CYFIP1: variants seen among roughly 807,000 people sequenced by gnomAD.
CYFIP1 encodes cytoplasmic FMR1-interacting protein 1.
A neutral mutation model predicts 163.5 loss-of-function variants in CYFIP1; 58 were observed. The observed-to-expected ratio is 0.35, with a 90% CI of 0.29 to 0.44. The LOEUF (loss-of-function observed/expected upper bound fraction) is 0.44. Among genes scored for constraint, CYFIP1 ranks in the 20% least tolerant of loss-of-function variants. The probability of loss-of-function intolerance (pLI) is 1.00; values close to 1 mark genes in which losing one functional copy is unlikely to be tolerated. For synonymous variants in CYFIP1, 663 were observed against 660.7 expected (o/e 1.00, Z -0.05); for missense variants, 1,338 against 1,653.8 (o/e 0.81, Z 3.31).
intron 22 of CYFIP1, among the ~76,000 whole-genome samples, chr15:22,900,693 C>T (rs1222626419): frequency 6.6e-6 from 1 of 151,696 alleles, no homozygotes; most frequent in Non-Finnish European, 1.5e-5. Context: ...AGCCACCGTG[C>T]CTGGCCGAGC....
At chr15:22,965,728 C>T (rs1253454092) in intron 1 of CYFIP1, among the ~76,000 whole-genome samples, 2 of 152,142 alleles carry the variant, frequency 1.3e-5, no homozygotes, top group South Asian at 2.1e-4. Flanking sequence ...ACAGGGATAA[C>T]GAATTAGGCT....
chr15:22,972,113 C>T lies in CYFIP1; in HGVS notation c.-7+8174G>A, dbSNP rs533266487. 2.6e-5 allele frequency among the ~76,000 whole-genome samples: 4 copies of T among 152,214 alleles called. No individual in the cohort carries two copies. In the South Asian group the frequency reaches 8.3e-4, roughly 32 times the overall value. ...AGCTATCCTGAGCAAAAGAACAAGG[C>T]TGGAGGCATCACACTACCTGACTTC... On this transcript the variant is annotated intron_variant, in intron 1 of 30. Transcript: ENST00000617928.
intron 17 of CYFIP1, among the ~76,000 whole-genome samples, chr15:22,913,699 C>G (rs999773410): frequency 6.6e-6 from 1 of 151,114 alleles, no homozygotes; most frequent in Non-Finnish European, 1.5e-5. Flanking sequence ...GTTGAAGGCC[C>G]GTCTCCCACT....
chr15:22,939,557 TA>T (rs56068008), intron 6 of CYFIP1, 50 bp from the exon 7 acceptor site: 30,596 of 283,382 alleles, frequency 0.11, 9 homozygotes, highest in East Asian at 0.16. Context: ...GTGCCACATT[TA>T]AAAAAAAAAA....
intron 22 of CYFIP1, among the ~76,000 whole-genome samples, chr15:22,898,345 T>C (rs988746522): frequency 2.0e-5 from 3 of 151,960 alleles, no homozygotes; most frequent in Non-Finnish European, 4.4e-5. Flanking sequence ...GCAACCTCCA[T>C]GTCCTGGGTT....
intron 22 of CYFIP1, among the ~76,000 whole-genome samples, chr15:22,898,465 A>G (rs547553356): frequency 7.2e-5 from 11 of 152,228 alleles, no homozygotes; most frequent in Admixed American, 3.3e-4. Context: ...TTCTCAATCT[A>G]AAGATAAAAA....
chr15:22,939,160 AGT>A, intron 8 of CYFIP1, 30 bp downstream of exon 8: 3 of 1,613,702 alleles, frequency 1.9e-6, no homozygotes, highest in Non-Finnish European at 2.5e-6. Flanking sequence ...GTCCCTCGGC[AGT>A]GCCACGGGCT....
Position 22,925,294 on chromosome 15 carries a change from C to G in CYFIP1, c.1359+688G>C, listed in dbSNP as rs556428269. 4.6e-5 allele frequency among the ~76,000 whole-genome samples: 7 copies of G among 152,264 alleles called. No homozygotes were observed. In the South Asian group the frequency reaches 1.5e-3, roughly 32 times the overall value. ...TCTAGGAGACAGAAAGACGTGCTTT[C>G]TCATACACGGTAGATGACTACAAAG... On this transcript the variant is annotated intron_variant, in intron 13 of 30. Transcript: ENST00000617928.
Position 22,939,467 on chromosome 15 carries a change from T to C in CYFIP1, c.610A>G (p.Ile204Val). The C allele has an allele frequency of 6.2e-7, 1 of 1,610,032 alleles. No individual in the cohort carries two copies. ...FLRKMADPQSIQESQNLSMFL... is the reference protein window; with the variant it reads ...FLRKMADPQSVQESQNLSMFL... ...ATGGACAGATTCTGCGATTCCTGGA[T>C]GGACTGTGGATCTGCCATTTTACGT... Residue 204 changes from isoleucine (I) to valine (V), a missense_variant, in exon 7 of 31, where the codon ATC (isoleucine) becomes GTC (valine). Ile to Val is a conservative substitution (Grantham distance 29, BLOSUM62 3). Transcript: ENST00000617928.
chr15:22,979,390 C>G (rs2063389277), intron 1 of CYFIP1, among the ~76,000 whole-genome samples: 1 of 152,164 alleles, frequency 6.6e-6, no homozygotes, highest in South Asian at 2.1e-4. Flanking sequence ...ATTCCGGAGT[C>G]CGACGGACGA....
rs776710769 is a variant in CYFIP1 at position 22,903,694 on chromosome 15, G to A, written c.2588+12C>T. 4.2e-5 allele frequency: 67 copies of A among 1,612,988 alleles called. No individual in the cohort carries two copies. Among genetic ancestry groups the A allele is most frequent in the East Asian group, 1.6e-4 (7 of 44,892 alleles). ...CCTCGCCTGTGGGCGCCTGTGTGGCGGGCACGCTCACCGGTTGGTAGAGCC... is the reference window on the plus strand; with the variant it reads ...CCTCGCCTGTGGGCGCCTGTGTGGCAGGCACGCTCACCGGTTGGTAGAGCC... On this transcript the variant is annotated intron_variant, in intron 22 of 30. Coordinates refer to ENST00000617928, the MANE Select transcript of CYFIP1 (RefSeq NM_014608.6).
Position 22,868,114 on chromosome 15 carries a change from A to G in CYFIP1, c.*1914T>C, listed in dbSNP as rs2059265349. The G allele has an allele frequency of 2.0e-5, 3 of 152,232 alleles. No homozygotes were observed. The South Asian group carries it at 6.2e-4, about 32-fold the overall frequency. The allele number at this position is 152,232 out of a possible 1,614,324, so 9.4% of individuals were successfully genotyped here. A position where few individuals can be genotyped will look rare whatever the true frequency, so the allele number is the denominator to read the frequency against. On this transcript the variant is annotated 3_prime_UTR_variant, in exon 31 of 31. Transcript: ENST00000617928. ...CACTCCCCGAGGGCCTCCCCTGCCA[A>G]TGGTGCTGGTATCCCATGCAGCTCA...
At chr15:22,931,464 G>C (rs2142218977) in intron 11 of CYFIP1, among the ~76,000 whole-genome samples, 1 of 152,142 alleles carries the variant, frequency 6.6e-6, no homozygotes, top group South Asian at 2.1e-4. Flanking sequence ...TCTTCTGACA[G>C]CCACCCAGAG....
intron 9 of CYFIP1, among the ~76,000 whole-genome samples, chr15:22,935,682 T>G (rs1822888): frequency 0.014 from 2,112 of 152,256 alleles, 48 homozygotes; most frequent in African/African-American, 0.049. Flanking sequence ...TTCCGCAGCA[T>G]AGTTAAGTTC....
rs1161147426 is a variant in CYFIP1 at position 22,897,317 on chromosome 15, GA to G, written c.2589-4341del. ...AAATCCAGAATGGCAAGAATAGGGAGAAAAAAAAAAGAGAGAGTGTTGAATG... is the reference window on the plus strand; with the variant it reads ...AAATCCAGAATGGCAAGAATAGGGAGAAAAAAAAAGAGAGAGTGTTGAATG... On this transcript the variant is annotated intron_variant, in intron 22 of 30. Transcript: ENST00000617928. 3.4e-4 allele frequency among the ~76,000 whole-genome samples: 50 copies of G among 147,072 alleles called. 1 individual carries two copies. Among genetic ancestry groups the G allele is most frequent in the African/African-American group, 9.7e-4 (39 of 40,170 alleles).
intron 5 of CYFIP1, among the ~76,000 whole-genome samples, chr15:22,944,290 G>A (rs2061985821): frequency 6.7e-6 from 1 of 148,206 alleles, no homozygotes; most frequent in South Asian, 2.2e-4. Context: ...TCAAAGCATT[G>A]TACTTGAAAC....
At chr15:22,873,032 C>G (rs1243323823) in intron 29 of CYFIP1, 60 bp from the exon 30 acceptor site, 17 of 1,581,868 alleles carry the variant, frequency 1.1e-5, no homozygotes, top group Admixed American at 6.9e-5. Flanking sequence ...AGTCTTTTCT[C>G]AGTCTGTCTC....
chr15:22,890,659 G>A lies in CYFIP1; in HGVS notation c.2676+2231C>T, dbSNP rs372454480. On this transcript the variant is annotated intron_variant, in intron 23 of 30. Coordinates refer to ENST00000617928, the MANE Select transcript of CYFIP1 (RefSeq NM_014608.6). ...CAGAGACAGGGTGGAGGGGCACAGC[G>A]GAGGCCGCACCTGCCAACAGCCTCG... Among the ~76,000 whole-genome samples, 38 of 151,830 alleles carry A rather than the reference G, an allele frequency of 2.5e-4. No homozygotes were observed. In the Middle Eastern group the frequency reaches 0.01, roughly 41 times the overall value.
chr15:22,933,677 GA>G, intron 10 of CYFIP1, 124 bp downstream of exon 10: 1 of 695,476 alleles, frequency 1.4e-6, no homozygotes, highest in South Asian at 1.9e-5. Flanking sequence ...TGCAATACTG[GA>G]CATTTAATTC....
Sources: allele counts gnomAD v4.1 joint callset (sites outside exome capture counted in the v4.1 genomes callset), GRCh38; gene constraint gnomAD v4.1.1; transcripts MANE v1.5; gene names NCBI Gene and HGNC (gene_info 2026-07-23, HGNC 2026-07-21).